The following SLC24A2 variants were observed in gnomAD, a reference collection of about 807,000 sequenced individuals.
The protein encoded by SLC24A2 is solute carrier family 24 member 2, also known as sodium/potassium/calcium exchanger 2.
Under a neutral mutation model 62.0 loss-of-function variants are expected in SLC24A2, and 36 were observed. The observed-to-expected ratio is 0.58, with a 90% confidence interval of 0.44 to 0.77. SLC24A2 has a LOEUF of 0.77. Ranked by LOEUF, SLC24A2 falls within the 30% of genes least tolerant of loss-of-function variation. The pLI is 0.00. For synonymous variants in SLC24A2, 358 were observed against 294.0 expected (o/e 1.22, Z -2.23); for missense variants, 846 against 817.9 (o/e 1.03, Z -0.42).
the SLC24A2 span, among the ~76,000 whole-genome samples, chr9:19,937,010 T>A: frequency 1.3e-5 from 2 of 152,160 alleles, no homozygotes; most frequent in African/African-American, 2.4e-5. Context: ...TTTAGTGGAT[T>A]TTTTTTAAGC....
chr9:20,032,111 G>A, the SLC24A2 span, among the ~76,000 whole-genome samples: 2 of 152,138 alleles, frequency 1.3e-5, no homozygotes, highest in Non-Finnish European at 2.9e-5. Context: ...ACCTTGAACA[G>A]CCTTCTATCT....
At chr9:19,570,300 C>T (rs1835800647) in intron 7 of SLC24A2, among the ~76,000 whole-genome samples, 1 of 152,204 alleles carries the variant, frequency 6.6e-6, no homozygotes, top group African/African-American at 2.4e-5. Flanking sequence ...CACCTTTGCA[C>T]ATGTTGTCAT....
the SLC24A2 span, among the ~76,000 whole-genome samples, chr9:19,916,981 G>T: frequency 0.012 from 869 of 71,992 alleles, no homozygotes; most frequent in South Asian, 0.014. Flanking sequence ...TAACTTACCT[G>T]TTTTTTTTTT....
At position 19,530,249 on chromosome 9, in the gene SLC24A2, C is replaced by G. The variant is rs1833639024; in HGVS notation, c.1480-2111G>C. 3.3e-5 allele frequency among the ~76,000 whole-genome samples: 5 copies of G among 152,110 alleles called. No individual in the cohort carries two copies. In the South Asian group the frequency reaches 1.0e-3, roughly 32 times the overall value. On this transcript the variant is annotated intron_variant, in intron 8 of 10. Transcript: ENST00000341998. ...AGGATCCTACGTGCAATGAGGGTTTCATCTTCCATGGCTGTGCTCTGTTAC... is the reference window on the plus strand; with the variant it reads ...AGGATCCTACGTGCAATGAGGGTTTGATCTTCCATGGCTGTGCTCTGTTAC...
intron 4 of SLC24A2, among the ~76,000 whole-genome samples, chr9:19,607,304 T>C (rs942755376): frequency 6.6e-6 from 1 of 152,224 alleles, no homozygotes; most frequent in African/African-American, 2.4e-5. Context: ...TCCTCCCTTC[T>C]GAAGGAGTTC....
chr9:19,837,832 A>G, the SLC24A2 span, among the ~76,000 whole-genome samples: 6 of 151,980 alleles, frequency 3.9e-5, no homozygotes, highest in Middle Eastern at 3.2e-3. Context: ...CTTCAAAGAG[A>G]ATAAAATACC....
the SLC24A2 span, among the ~76,000 whole-genome samples, chr9:20,292,169 G>A: frequency 6.6e-6 from 1 of 152,200 alleles, no homozygotes; most frequent in African/African-American, 2.4e-5. Context: ...CGACTTGCTT[G>A]TGCAGGGGGA....
chr9:19,977,463 G>A, the SLC24A2 span, among the ~76,000 whole-genome samples: 1 of 152,054 alleles, frequency 6.6e-6, no homozygotes, highest in Non-Finnish European at 1.5e-5. Context: ...CGTGGAGCAT[G>A]AGCTAGAGAG....
the SLC24A2 span, chr9:19,928,472 T>G: frequency 1.3e-5 from 2 of 152,218 alleles, no homozygotes; most frequent in Non-Finnish European, 2.9e-5. Flanking sequence ...CTGAGTGACC[T>G]TGAGAAAGTC....
chr9:20,006,605 A>G, the SLC24A2 span, among the ~76,000 whole-genome samples: 2 of 152,136 alleles, frequency 1.3e-5, no homozygotes, highest in Non-Finnish European at 2.9e-5. Flanking sequence ...ACTACTATGT[A>G]CCCACAAAAA....
intron 2 of SLC24A2, among the ~76,000 whole-genome samples, chr9:19,725,732 T>A (rs751934657): frequency 2.0e-5 from 3 of 152,126 alleles, no homozygotes; most frequent in Non-Finnish European, 4.4e-5. Context: ...GAGAATTTGG[T>A]GAGAATAGTT....
At chr9:20,219,744 T>C in the SLC24A2 span, among the ~76,000 whole-genome samples, 19 of 152,266 alleles carry the variant, frequency 1.2e-4, no homozygotes, top group African/African-American at 3.6e-4. Context: ...TGAAGAAATA[T>C]TGAGAGTCCA....
the SLC24A2 span, among the ~76,000 whole-genome samples, chr9:20,056,249 T>C: frequency 4.6e-5 from 7 of 152,164 alleles, no homozygotes; most frequent in Non-Finnish European, 7.3e-5. Context: ...TATTCATGAA[T>C]AAATTGGTGG....
At chr9:19,691,485 C>G (rs1820044733) in intron 2 of SLC24A2, among the ~76,000 whole-genome samples, 1 of 152,126 alleles carries the variant, frequency 6.6e-6, no homozygotes, top group South Asian at 2.1e-4. Context: ...TGTTCATTTG[C>G]CCTCAGTCAT....
At chr9:19,944,363 C>A in the SLC24A2 span, among the ~76,000 whole-genome samples, 1 of 151,102 alleles carries the variant, frequency 6.6e-6, no homozygotes, top group South Asian at 2.1e-4. Context: ...AATTTATAGC[C>A]CAAACCTCAA....
chr9:19,611,237 G>A (rs1837152911), intron 4 of SLC24A2, among the ~76,000 whole-genome samples: 2 of 151,842 alleles, frequency 1.3e-5, no homozygotes, highest in Non-Finnish European at 2.9e-5. Context: ...GGAGCTGCTA[G>A]GCAGTCAGAG....
intron 2 of SLC24A2, among the ~76,000 whole-genome samples, chr9:19,627,349 A>G (rs1246588562): frequency 6.6e-6 from 1 of 152,232 alleles, no homozygotes; most frequent in Non-Finnish European, 1.5e-5. Flanking sequence ...TTTGAGAAGA[A>G]TAGATATCTT....
At chr9:19,598,182 T>C (rs1836753646) in intron 4 of SLC24A2, among the ~76,000 whole-genome samples, 1 of 152,220 alleles carries the variant, frequency 6.6e-6, no homozygotes, top group Non-Finnish European at 1.5e-5. Context: ...TTTTAAGCAA[T>C]TTTGTGAGCA....
At chr9:19,529,543 G>C (rs546681283) in intron 8 of SLC24A2, among the ~76,000 whole-genome samples, 2 of 152,242 alleles carry the variant, frequency 1.3e-5, no homozygotes, top group Non-Finnish European at 1.5e-5. Flanking sequence ...GTAAGACCAA[G>C]CAGGTTTGAT....
Sources: gnomAD v4.1 joint callset for allele counts (sites outside exome capture counted in the v4.1 genomes callset) on GRCh38, gnomAD v4.1.1 for gene constraint, MANE v1.5 for transcripts, NCBI Gene and HGNC (gene_info 2026-07-23, HGNC 2026-07-21) for gene names.